PKD1L3: variants seen among roughly 807,000 people sequenced by gnomAD.
PKD1L3 encodes polycystin 1 like 3, transient receptor potential channel interacting.
In PKD1L3, 239 loss-of-function variants were observed where a neutral mutation model predicts 184.1. The ratio of observed to expected loss-of-function variants is 1.30; its 90% CI spans 1.17 to 1.45. The LOEUF is 1.45. Ranked by LOEUF, PKD1L3 falls within the 40% of genes most tolerant of loss-of-function variation. PKD1L3 has a pLI of 0.00. For missense variants in PKD1L3, 2,660 were observed against 2,067.2 expected (o/e 1.29, Z -5.56); for synonymous variants, 996 against 778.8 (o/e 1.28, Z -4.64).
intron 16 of PKD1L3, among the ~76,000 whole-genome samples, chr16:71,961,560 G>A (rs2039280157): frequency 8.7e-6 from 1 of 115,310 alleles, no homozygotes; most frequent in South Asian, 3.3e-4. Flanking sequence ...CCACGCAGAA[G>A]CCATACATAG....
intron 23 of PKD1L3, 22 bp downstream of exon 23, chr16:71,944,008 T>A (rs2038462139): frequency 6.5e-7 from 1 of 1,545,808 alleles, no homozygotes; most frequent in Non-Finnish European, 8.7e-7. Context: ...GTTATCAGTA[T>A]GTTGCCATTT....
intron 16 of PKD1L3, among the ~76,000 whole-genome samples, chr16:71,962,367 C>T (rs2039313611): frequency 6.6e-6 from 1 of 152,126 alleles, no homozygotes; most frequent in Admixed American, 6.6e-5. Flanking sequence ...TCATCTTTAG[C>T]ATTCAGGAGA....
At chr16:71,955,126 A>G (rs1409666035) in intron 16 of PKD1L3, among the ~76,000 whole-genome samples, 1 of 152,170 alleles carries the variant, frequency 6.6e-6, no homozygotes, top group Non-Finnish European at 1.5e-5. Context: ...TAGTTCCATT[A>G]ATTTCATTGA....
chr16:71,938,891 G>A (rs73590039), intron 24 of PKD1L3, among the ~76,000 whole-genome samples: 6,184 of 152,262 alleles, frequency 0.041, 407 homozygotes, highest in African/African-American at 0.14. Flanking sequence ...ACAAGAACTC[G>A]GGACCCGCTG....
Position 71,979,787 on chromosome 16 carries a change from T to G in PKD1L3, c.1397A>C (p.Gln466Pro). Residue 466 changes from glutamine (Q) to proline (P), a missense_variant and splice_region_variant, in exon 9 of 30, where the codon CAA becomes CCA. Transcript: ENST00000620267. ...GATCACAATCAATTTCACACTCACT[T>G]GGACATTAACTCCTGGATGTTTATT... ...LLNKHPGVNV[Q>P]ITGLAFNPFK... 2.0e-6 allele frequency: 3 copies of G among 1,498,332 alleles called. No homozygotes were observed. Among genetic ancestry groups the G allele is most frequent in the Non-Finnish European group, 1.8e-6 (2 of 1,127,712 alleles). The allele number at this position is 1,498,332 out of a possible 1,614,324, so 92.8% of individuals were successfully genotyped here. A position where few individuals can be genotyped will look rare whatever the true frequency, so the allele number is the denominator to read the frequency against.
chr16:71,951,280 T>C (rs2143372473), intron 19 of PKD1L3, among the ~76,000 whole-genome samples: 1 of 152,362 alleles, frequency 6.6e-6, no homozygotes, highest in Middle Eastern at 3.4e-3. Flanking sequence ...CCTCAGGTAA[T>C]CTGCCCACCT....
intron 3 of PKD1L3, among the ~76,000 whole-genome samples, chr16:71,991,679 C>T (rs1226037828): frequency 3.9e-5 from 6 of 152,072 alleles, no homozygotes; most frequent in African/African-American, 9.7e-5. Context: ...TTCCTAAGGA[C>T]AAAACCACAA....
chr16:71,996,418 G>A (rs1029954150), intron 2 of PKD1L3, among the ~76,000 whole-genome samples: 1 of 151,660 alleles, frequency 6.6e-6, no homozygotes, highest in Non-Finnish European at 1.5e-5. Flanking sequence ...ACACCACCAC[G>A]CCTGGCTAAT....
At position 71,951,565 on chromosome 16, in the gene PKD1L3, A is replaced by G; in HGVS notation, c.3189T>C (p.Arg1063=). The change falls in exon 19 of 30, where the codon CGT becomes CGC. Residue 1063 remains arginine, a splice_region_variant and synonymous_variant. Transcript: ENST00000620267. ...TTACTGAAATCTACTGAAGTTTACC[A>G]CGTGCCCAGTGGCGCTCTCCCTGCT... ...CHQQGERHWA[R]VVPENHHHFC... is the part of the protein sequence containing the mutation. The G allele has an allele frequency of 1.3e-6, 2 of 1,548,718 alleles. No homozygotes were observed. Among genetic ancestry groups the G allele is most frequent in the Non-Finnish European group, 1.7e-6 (2 of 1,145,766 alleles).
At position 71,942,594 on chromosome 16, in the gene PKD1L3, G is replaced by A; in HGVS notation, c.4290C>T (p.Ser1430=). The A allele has an allele frequency of 6.4e-7, 1 of 1,551,540 alleles. No homozygotes were observed. The highest frequency in any genetic ancestry group is 8.7e-7 in the Non-Finnish European group (1 of 1,146,962). The change falls in exon 24 of 30, where the codon AGC becomes AGT. Residue 1430 remains serine (S), a synonymous_variant. Transcript: ENST00000620267. ...TGTAACTGAATCCATTCTCATTCTT[G>A]CTTGTCAGCCTTTCGTGAAGCTCAT... is the stretch of plus-strand genomic sequence containing the variant. ...PTDELHERLT[S]KNENGFSYIM... is the part of the protein sequence containing the mutation.
At chr16:71,965,806 G>A (rs763368485) in intron 15 of PKD1L3, among the ~76,000 whole-genome samples, 4 of 152,122 alleles carry the variant, frequency 2.6e-5, no homozygotes, top group Non-Finnish European at 2.9e-5. Context: ...TGCCAACCTC[G>A]GCCTCCCAAA....
chr16:71,953,035 G>A lies in PKD1L3; in HGVS notation c.2868C>T (p.Ile956=), dbSNP rs1026916572. The A allele has an allele frequency of 6.5e-7, 1 of 1,548,418 alleles. No individual in the cohort carries two copies. The highest frequency in any genetic ancestry group is 1.4e-5 in the African/African-American group (1 of 72,794). The part of the protein sequence containing the change: ...ELLVSIHTAV[I]LFPINLVIGR... ...CTATGACAAGATTGATTGGGAAGAG[G>A]ATGACAGCAGTATGGATGCTGACCA... The change falls in exon 18 of 30, where the codon ATC becomes ATT. Residue 956 remains isoleucine, a synonymous_variant. Transcript: ENST00000620267.
Position 71,967,917 on chromosome 16 carries a change from T to C in PKD1L3, c.2275A>G (p.Thr759Ala), listed in dbSNP as rs2039562212. The stretch of plus-strand genomic sequence containing the variant: ...TTTATTTCATTAACCTTAGCTGTTG[T>C]AGCAGCGCTTCTTCGATATCCGGTG... ...VYTGYRRSAA[T>A]TAKVVITLYG... Residue 759 changes from threonine (T) to alanine (A), a missense_variant, in exon 14 of 30, where the codon ACA (threonine) becomes GCA (alanine). By Grantham distance (58) the Thr-to-Ala change is moderately conservative. Coordinates refer to ENST00000620267, the MANE Select transcript of PKD1L3 (RefSeq NM_181536.2). 2 of 1,550,306 alleles carry C rather than the reference T, an allele frequency of 1.3e-6. No homozygotes were observed. The highest frequency in any genetic ancestry group is 2.4e-5 in the East Asian group (1 of 40,922).
chr16:71,958,163 G>A (rs936967298), intron 16 of PKD1L3, among the ~76,000 whole-genome samples: 8 of 152,036 alleles, frequency 5.3e-5, no homozygotes, highest in Admixed American at 2.0e-4. Flanking sequence ...CGAGGCGGGC[G>A]GATCACGAGG....
rs2038901176 is a variant in PKD1L3, at chr16:71,952,959, G to C, written c.2944C>G (p.Pro982Ala). The change falls in exon 18 of 30, where the codon CCC becomes GCC. Residue 982 changes from proline (P) to alanine (A), a missense_variant. Physicochemically the swap from Pro to Ala is conservative, Grantham distance 27. Transcript: ENST00000620267. ...TCTGAGAGGCAGGAGGCCTGGATGG[G>C]AGGAAAGAGGGGCAGAGTCTCCTGT... ...EPQETLPLFP[P>A]IQASCLSDAS... is the part of the protein sequence containing the mutation. 3.2e-6 allele frequency: 5 copies of C among 1,550,816 alleles called. No individual in the cohort carries two copies. The highest frequency in any genetic ancestry group is 4.4e-6 in the Non-Finnish European group (5 of 1,146,736).
intron 16 of PKD1L3, among the ~76,000 whole-genome samples, chr16:71,955,513 G>A (rs531106267): frequency 6.6e-6 from 1 of 151,938 alleles, no homozygotes; most frequent in Non-Finnish European, 1.5e-5. Flanking sequence ...TTTGAGACAG[G>A]GTCTTGCTGC....
intron 9 of PKD1L3, 90 bp from the exon 10 acceptor site, chr16:71,978,473 A>T: frequency 5.1e-6 from 2 of 389,032 alleles, no homozygotes; most frequent in Non-Finnish European, 8.0e-6. Flanking sequence ...ACATATGTAT[A>T]TATGTGTGTG....
intron 23 of PKD1L3, among the ~76,000 whole-genome samples, 189 bp from the exon 24 acceptor site, chr16:71,943,213 C>T (rs2038423289): frequency 6.6e-6 from 1 of 152,088 alleles, no homozygotes; most frequent in Non-Finnish European, 1.5e-5. Context: ...ATTATTCTGC[C>T]ACTAATGATA....
At chr16:71,996,096 A>G (rs1383708758) in intron 2 of PKD1L3, among the ~76,000 whole-genome samples, 2 of 152,058 alleles carry the variant, frequency 1.3e-5, no homozygotes, top group Non-Finnish European at 2.9e-5. Context: ...GTATATTCAC[A>G]TGCCGATGTA....
Sources: allele counts gnomAD v4.1 joint callset (sites outside exome capture counted in the v4.1 genomes callset), GRCh38; gene constraint gnomAD v4.1.1; transcripts MANE v1.5; gene names NCBI Gene and HGNC (gene_info 2026-07-23, HGNC 2026-07-21).